COX10: variants seen among roughly 807,000 people sequenced by gnomAD.
The protein encoded by COX10 is cytochrome c oxidase assembly factor heme A:farnesyltransferase COX10, also known as protoheme IX farnesyltransferase, mitochondrial.
A neutral mutation model predicts 37.3 loss-of-function variants in COX10; 27 were observed. That is an observed-to-expected ratio of 0.72 (90% CI 0.53 to 1.00). COX10 has a LOEUF of 1.00. COX10 is among the 50% of genes least tolerant of loss of function. COX10 has a pLI of 0.00. For synonymous variants in COX10, 222 were observed against 229.1 expected (o/e 0.97, Z 0.28); for missense variants, 475 against 563.2 (o/e 0.84, Z 1.59).
intron 4 of COX10, among the ~76,000 whole-genome samples, chr17:14,150,933 T>A (rs936067583): frequency 6.6e-6 from 1 of 152,246 alleles, no homozygotes; most frequent in African/African-American, 2.4e-5. Flanking sequence ...CAGTATATTC[T>A]AAGGGTTGAT....
chr17:14,104,935 C>T (rs1915859214), intron 4 of COX10, among the ~76,000 whole-genome samples: 1 of 152,060 alleles, frequency 6.6e-6, no homozygotes, highest in African/African-American at 2.4e-5. Context: ...GGCTTTAAAG[C>T]ACATATGCCT....
intron 3 of COX10, chr17:14,077,348 C>A: frequency 2.7e-6 from 1 of 371,206 alleles, no homozygotes; most frequent in Non-Finnish European, 5.0e-6. Context: ...TGTTTTTACA[C>A]CTGCTGTAAA....
At chr17:14,187,050 G>A (rs1412552668) in intron 5 of COX10, among the ~76,000 whole-genome samples, 1 of 150,454 alleles carries the variant, frequency 6.6e-6, no homozygotes, top group East Asian at 1.9e-4. Flanking sequence ...TTTATTTTTT[G>A]TTTTGCTTTG....
At chr17:14,153,679 T>G (rs995763419) in intron 4 of COX10, among the ~76,000 whole-genome samples, 13 of 152,208 alleles carry the variant, frequency 8.5e-5, no homozygotes, top group South Asian at 2.1e-4. Context: ...GCACAACCAC[T>G]TCGTGAAATA....
chr17:14,130,689 C>T (rs1196263868), intron 4 of COX10, among the ~76,000 whole-genome samples: 5 of 151,992 alleles, frequency 3.3e-5, no homozygotes. Flanking sequence ...TTTTCTTTGC[C>T]AGCCTGATTG....
chr17:14,131,759 A>C (rs1315270440), intron 4 of COX10, among the ~76,000 whole-genome samples: 1 of 152,028 alleles, frequency 6.6e-6, no homozygotes, highest in African/African-American at 2.4e-5. Context: ...AATTCAAAGG[A>C]GTTTCATGAG....
chr17:14,191,837 A>C (rs1198880026), intron 5 of COX10, 152 bp from the exon 6 acceptor site: 14 of 771,010 alleles, frequency 1.8e-5, no homozygotes, highest in Non-Finnish European at 3.0e-5. Flanking sequence ...AGTTTGTTTC[A>C]TAAAGAGGAT....
At chr17:14,120,742 A>G (rs149408824) in intron 4 of COX10, among the ~76,000 whole-genome samples, 1 of 152,296 alleles carries the variant, frequency 6.6e-6, no homozygotes, top group East Asian at 1.9e-4. Context: ...GAAATAAGTG[A>G]TGAAACTTAG....
In COX10 at chr17:14,208,375, T is replaced by C. The variant is rs1906773164; in HGVS notation, c.*1162T>C. On this transcript the variant is annotated 3_prime_UTR_variant, in exon 7 of 7. Transcript: ENST00000261643. ...CCAAAGGTCTTGAAGCTTGACAGGA[T>C]GTTTTCATTACTCAGTCTCCCAGGG... 1 of 152,214 alleles carries C rather than the reference T, an allele frequency of 6.6e-6. No homozygotes were observed. Among genetic ancestry groups the C allele is most frequent in the South Asian group, 2.1e-4 (1 of 4,830 alleles). The allele number at this position is 152,214 out of a possible 1,614,324, so 9.4% of individuals were successfully genotyped here.
intron 3 of COX10, among the ~76,000 whole-genome samples, chr17:14,088,578 G>C (rs1037296933): frequency 6.6e-6 from 1 of 151,916 alleles, no homozygotes; most frequent in Non-Finnish European, 1.5e-5. Context: ...GCCAGGGGAA[G>C]GTAAAGATAA....
At chr17:14,127,872 AT>A (rs2142217100) in intron 4 of COX10, among the ~76,000 whole-genome samples, 1 of 147,406 alleles carries the variant, frequency 6.8e-6, no homozygotes, top group South Asian at 2.2e-4. Flanking sequence ...AGTGTTTTTA[AT>A]TTTTTTCAAA....
intron 4 of COX10, among the ~76,000 whole-genome samples, chr17:14,137,694 A>C (rs1904414895): frequency 6.6e-6 from 1 of 152,074 alleles, no homozygotes; most frequent in South Asian, 2.1e-4. Flanking sequence ...AGGCTTTAAC[A>C]ACTATCTAAT....
chr17:14,120,072 A>G (rs1916197907), intron 4 of COX10, among the ~76,000 whole-genome samples: 1 of 152,150 alleles, frequency 6.6e-6, no homozygotes, highest in Non-Finnish European at 1.5e-5. Context: ...GCAGTGGTGG[A>G]AAGAGAGAAA....
chr17:14,085,782 G>A (rs1363380732), intron 3 of COX10, among the ~76,000 whole-genome samples: 2 of 152,140 alleles, frequency 1.3e-5, no homozygotes. Flanking sequence ...AAAGCTTTCA[G>A]TTTTCATTAA....
chr17:14,125,083 T>A (rs143887179), intron 4 of COX10, among the ~76,000 whole-genome samples: 1 of 152,346 alleles, frequency 6.6e-6, no homozygotes, highest in Admixed American at 6.5e-5. Context: ...CAGTGAAATG[T>A]GAACTTCATC....
chr17:14,080,497 G>C (rs899283181), intron 3 of COX10, among the ~76,000 whole-genome samples: 2 of 152,102 alleles, frequency 1.3e-5, no homozygotes, highest in African/African-American at 4.8e-5. Flanking sequence ...ACAGGCGTGA[G>C]CCACCGCACC....
intron 5 of COX10, among the ~76,000 whole-genome samples, chr17:14,161,171 G>T (rs1276185936): frequency 6.6e-6 from 1 of 152,152 alleles, no homozygotes; most frequent in Non-Finnish European, 1.5e-5. Context: ...AGCACAACCT[G>T]TTAGTACTCA....
intron 4 of COX10, among the ~76,000 whole-genome samples, chr17:14,159,414 G>T (rs1905124903): frequency 6.6e-6 from 1 of 152,192 alleles, no homozygotes; most frequent in Non-Finnish European, 1.5e-5. Flanking sequence ...ACATGGGTTT[G>T]AACTGTGTGG....
At chr17:14,185,704 G>A (rs1484871595) in intron 5 of COX10, among the ~76,000 whole-genome samples, 1 of 147,940 alleles carries the variant, frequency 6.8e-6, no homozygotes, top group Admixed American at 6.8e-5. Flanking sequence ...TTTTACTGAT[G>A]TCTCATTGTA....
Sources: gnomAD v4.1 joint callset for allele counts (sites outside exome capture counted in the v4.1 genomes callset) on GRCh38, gnomAD v4.1.1 for gene constraint, MANE v1.5 for transcripts, NCBI Gene and HGNC (gene_info 2026-07-23, HGNC 2026-07-21) for gene names.